The following PTPRD variants were observed in gnomAD, a reference collection of about 807,000 sequenced individuals.
PTPRD encodes protein tyrosine phosphatase receptor type D.
In PTPRD, 34 loss-of-function variants were observed where a neutral mutation model predicts 214.5. That is an observed-to-expected ratio of 0.16 (90% CI 0.12 to 0.21). The LOEUF (loss-of-function observed/expected upper bound fraction) is 0.21. Ranked by LOEUF, PTPRD falls within the 10% of genes least tolerant of loss-of-function variation. PTPRD has a pLI of 1.00. For synonymous variants in PTPRD, 1,128 were observed against 845.7 expected (o/e 1.33, Z -5.79); for missense variants, 2,545 against 2,398.7 (o/e 1.06, Z -1.27).
chr9:10,468,666 A>C (rs12343415), intron 2 of PTPRD, among the ~76,000 whole-genome samples: 11,139 of 152,162 alleles, frequency 0.073, 648 homozygotes, highest in East Asian at 0.31. Flanking sequence ...TAAAAAGAAT[A>C]AAGGAAGTCA....
At chr9:9,397,173 G>C (rs977724659) in intron 9 of PTPRD, among the ~76,000 whole-genome samples, 4 of 151,894 alleles carry the variant, frequency 2.6e-5, no homozygotes. Context: ...CTAACAACAG[G>C]ATATTACTTT....
chr9:10,211,525 G>T (rs2099516809), intron 3 of PTPRD, among the ~76,000 whole-genome samples: 1 of 152,108 alleles, frequency 6.6e-6, no homozygotes, highest in Admixed American at 6.6e-5. Flanking sequence ...TGTACTGAAT[G>T]GTAAATGCCC....
intron 14 of PTPRD, among the ~76,000 whole-genome samples, chr9:8,595,262 G>C (rs1280710058): frequency 6.6e-6 from 1 of 151,436 alleles, no homozygotes; most frequent in Non-Finnish European, 1.5e-5. Flanking sequence ...TGGCAGAAGA[G>C]TTTGATCACA....
chr9:10,450,418 T>C (rs1434841959), intron 2 of PTPRD, among the ~76,000 whole-genome samples: 2 of 152,012 alleles, frequency 1.3e-5, no homozygotes, highest in Non-Finnish European at 2.9e-5. Flanking sequence ...AAGCAATTTG[T>C]ATTATTTAAG....
At chr9:8,614,743 C>T (rs1224096903) in intron 14 of PTPRD, among the ~76,000 whole-genome samples, 2 of 152,090 alleles carry the variant, frequency 1.3e-5, no homozygotes, top group Non-Finnish European at 2.9e-5. Flanking sequence ...ACATGAGACA[C>T]AAGACAAAAT....
intron 3 of PTPRD, among the ~76,000 whole-genome samples, chr9:10,080,781 T>C (rs2098223938): frequency 6.6e-6 from 1 of 152,164 alleles, no homozygotes; most frequent in Non-Finnish European, 1.5e-5. Flanking sequence ...TACTATTTTA[T>C]GCTCTTGACC....
rs1005130885 is a variant in PTPRD, at chr9:8,517,775, T to A, written c.1543+73A>T. 3.1e-6 allele frequency: 4 copies of A among 1,293,934 alleles called. No homozygotes were observed. In the African/African-American group the frequency reaches 6.0e-5, roughly 19 times the overall value. The allele number at this position is 1,293,934 out of a possible 1,614,324, so 80.2% of individuals were successfully genotyped here. On this transcript the variant is annotated intron_variant, in intron 21 of 45. Transcript: ENST00000381196. Reference sequence around the variant, plus strand: ...AATTCATACCATCTTTGTTCCTTCTTTGTTTTTGTCCTTCTCACCTCTTTG... The same window carrying A: ...AATTCATACCATCTTTGTTCCTTCTATGTTTTTGTCCTTCTCACCTCTTTG...
chr9:8,376,377 C>G (rs1310455294), intron 38 of PTPRD, among the ~76,000 whole-genome samples: 3 of 152,044 alleles, frequency 2.0e-5, no homozygotes, highest in Non-Finnish European at 4.4e-5. Context: ...TCTTCTTCAT[C>G]TACTCTTCAT....
At position 8,449,726 on chromosome 9, in the gene PTPRD, C is replaced by T. The variant is rs748419833; in HGVS notation, c.3987G>A (p.Pro1329=). 12 of 1,613,486 alleles carry T rather than the reference C, an allele frequency of 7.4e-6. No homozygotes were observed. In the East Asian group the frequency reaches 1.6e-4, roughly 21 times the overall value. ...VELRRLNFQT[P]GMASHPPIPI... is the part of the protein sequence containing the mutation. ...GATTAGATGTGTGATGCTTCTTACC[C>T]GGTGTTTGAAAGTTAAGGCGCCTCA... The change falls in exon 34 of 46, where the codon CCG becomes CCA. Residue 1329 remains proline, a splice_region_variant and synonymous_variant. Transcript: ENST00000381196.
At chr9:8,928,922 T>C (rs1052739958) in intron 11 of PTPRD, among the ~76,000 whole-genome samples, 1 of 152,144 alleles carries the variant, frequency 6.6e-6, no homozygotes. Flanking sequence ...TCGTAAGTTG[T>C]ATTCCTAGGT....
intron 2 of PTPRD, among the ~76,000 whole-genome samples, chr9:10,426,520 A>T (rs1417792452): frequency 6.6e-6 from 1 of 152,024 alleles, no homozygotes. Context: ...GGCTTTGTTT[A>T]AAAGCCATTG....
chr9:10,440,180 T>C (rs774299808), intron 2 of PTPRD, among the ~76,000 whole-genome samples: 1 of 151,684 alleles, frequency 6.6e-6, no homozygotes, highest in Non-Finnish European at 1.5e-5. Context: ...ACTAGAATTA[T>C]CTTGAATTTG....
At position 9,591,249 on chromosome 9, in the gene PTPRD, G is replaced by A. The variant is rs542269627; in HGVS notation, c.-286-16468C>T. Among the ~76,000 whole-genome samples the A allele has an allele frequency of 2.6e-5, 4 of 152,060 alleles. No individual in the cohort carries two copies. In the East Asian group the frequency reaches 7.8e-4, roughly 30 times the overall value. On this transcript the variant is annotated intron_variant, in intron 7 of 45. Coordinates refer to ENST00000381196, the MANE Select transcript of PTPRD (RefSeq NM_002839.4). ...GGAACCTGCCATTCCTGCGGTGGGA[G>A]GACATATGGAAGGCATGAAAGGGAA... is the stretch of plus-strand genomic sequence containing the variant.
intron 14 of PTPRD, among the ~76,000 whole-genome samples, chr9:8,558,509 G>A (rs780707745): frequency 7.9e-5 from 12 of 152,124 alleles, no homozygotes; most frequent in Non-Finnish European, 1.5e-4. Flanking sequence ...AAATAGCCTG[G>A]ACATCTTTCA....
chr9:9,777,325 GCACACACACA>G (rs34617348), intron 5 of PTPRD, among the ~76,000 whole-genome samples: 25 of 143,182 alleles, frequency 1.7e-4, no homozygotes, highest in African/African-American at 5.6e-4. Flanking sequence ...GCACATACAT[GCACACACACA>G]CACACACACA....
At chr9:9,257,782 T>C (rs1176294196) in intron 9 of PTPRD, among the ~76,000 whole-genome samples, 1 of 151,790 alleles carries the variant, frequency 6.6e-6, no homozygotes, top group Non-Finnish European at 1.5e-5. Flanking sequence ...AGACCCTGTC[T>C]CAATTAAAAA....
At chr9:9,287,486 G>A (rs915527746) in intron 9 of PTPRD, among the ~76,000 whole-genome samples, 1 of 151,802 alleles carries the variant, frequency 6.6e-6, no homozygotes, top group African/African-American at 2.4e-5. Context: ...ACAAGGACCA[G>A]TTATTGTGGC....
At chr9:9,297,332 G>A (rs886408963) in intron 9 of PTPRD, among the ~76,000 whole-genome samples, 6 of 151,480 alleles carry the variant, frequency 4.0e-5, no homozygotes, top group African/African-American at 1.5e-4. Context: ...ATGGTTTTGG[G>A]TCTTGCAAAC....
rs146465905 is a variant in PTPRD, at chr9:10,162,357, T to A, written c.-544-128567A>T. Among the ~76,000 whole-genome samples, 1,178 of 151,586 alleles carry A rather than the reference T, an allele frequency of 7.8e-3. 14 individuals carry two copies. The highest frequency in any genetic ancestry group is 0.026 in the African/African-American group (1,095 of 41,468). On this transcript the variant is annotated intron_variant, in intron 3 of 45. Coordinates refer to ENST00000381196, the MANE Select transcript of PTPRD (RefSeq NM_002839.4). ...GATATATATACACAATGAAATAATATTCAGCCATAAAAAGAACAAAATTCT... is the reference window on the plus strand; with the variant it reads ...GATATATATACACAATGAAATAATAATCAGCCATAAAAAGAACAAAATTCT...
Sources: gnomAD v4.1 joint callset for allele counts (sites outside exome capture counted in the v4.1 genomes callset) on GRCh38, gnomAD v4.1.1 for gene constraint, MANE v1.5 for transcripts, NCBI Gene and HGNC (gene_info 2026-07-23, HGNC 2026-07-21) for gene names.